Variants in PLCD4 observed in about 807,000 individuals in gnomAD.
PLCD4 encodes the protein 1-phosphatidylinositol 4,5-bisphosphate phosphodiesterase delta-4.
PLCD4 carries 63 observed loss-of-function variants against 90.2 expected under a neutral mutation model. The observed-to-expected ratio is 0.70, with a 90% CI of 0.57 to 0.86. The LOEUF is 0.86. Among genes scored for constraint, PLCD4 ranks in the 40% least tolerant of loss-of-function variants. The pLI is 0.00. For missense variants in PLCD4, 830 were observed against 956.3 expected, an observed-to-expected ratio of 0.87 and a Z score of 1.74; for synonymous variants, 294 against 356.5, an observed-to-expected ratio of 0.82 and a Z score of 1.97.
At position 218,622,564 on chromosome 2, in the gene PLCD4, AT is replaced by A. The variant is rs977335359; in HGVS notation, c.541-80del. 6.1e-6 allele frequency: 6 copies of A among 981,844 alleles called. No homozygotes were observed. In the African/African-American group the frequency reaches 6.6e-5, roughly 11 times the overall value. The allele number at this position is 981,844 out of a possible 1,614,324, so 60.8% of individuals were successfully genotyped here. On this transcript the variant is annotated intron_variant, in intron 5 of 15. Coordinates refer to ENST00000450993, the MANE Select transcript of PLCD4 (RefSeq NM_032726.4). ...ATACACCTACTATGTACCCAGAAAA[AT>A]TTAAAAAAAAATTTTTTTAATTAAA... is the stretch of plus-strand genomic sequence containing the variant.
intron 10 of PLCD4, among the ~76,000 whole-genome samples, 191 bp downstream of exon 10, chr2:218,632,503 A>T (rs1237573862): frequency 1.3e-5 from 2 of 152,204 alleles, no homozygotes; most frequent in Non-Finnish European, 2.9e-5. Context: ...GGTATGTTGC[A>T]GTGGCTTTCC....
chr2:218,622,843 T>G lies in PLCD4; in HGVS notation c.737T>G (p.Leu246Arg). The G allele has an allele frequency of 6.2e-7, 1 of 1,614,020 alleles. No individual in the cohort carries two copies. Among genetic ancestry groups the G allele is most frequent in the Non-Finnish European group, 8.5e-7 (1 of 1,179,892 alleles). ...AGAGACTGCACCTCTGAGCTTGCTC[T>G]GGAACTCATTGACCGCTATGAACCT... ...KERDCTSELA[L>R]ELIDRYEPSD... The change falls in exon 6 of 16, where the codon CTG becomes CGG. Residue 246 changes from leucine (L) to arginine (R), a missense_variant. Coordinates refer to ENST00000450993, the MANE Select transcript of PLCD4 (RefSeq NM_032726.4).
chr2:218,618,245 A>G (rs935375923), intron 3 of PLCD4, among the ~76,000 whole-genome samples: 1 of 152,178 alleles, frequency 6.6e-6, no homozygotes, highest in African/African-American at 2.4e-5. Flanking sequence ...CTGCCTATGG[A>G]AGGGGACTAT....
chr2:218,622,345 C>A (rs2106138795), intron 5 of PLCD4: 1 of 200,122 alleles, frequency 5.0e-6, no homozygotes, highest in East Asian at 1.2e-4. Context: ...TTGCTTCTTA[C>A]TGAAGTGATT....
chr2:218,611,563 A>G (rs1695332792), intron 1 of PLCD4, among the ~76,000 whole-genome samples: 1 of 152,198 alleles, frequency 6.6e-6, no homozygotes, highest in African/African-American at 2.4e-5. Flanking sequence ...CTTCAGCCCC[A>G]GGCCAATTCA....
chr2:218,633,004 C>T (rs972606646), intron 10 of PLCD4, among the ~76,000 whole-genome samples: 4 of 152,172 alleles, frequency 2.6e-5, no homozygotes, highest in African/African-American at 9.7e-5. Context: ...GCGTGGCTCA[C>T]TCAGCTGACT....
At position 218,635,858 on chromosome 2, in the gene PLCD4, A is replaced by C; in HGVS notation, c.1959A>C (p.Pro653=). Reference sequence around the variant, plus strand: ...CCAAAGAGGGGTCCATTGTGGATCCACTGGTGAAAGTGCAGATCTTTGGCG... The same window carrying C: ...CCAAAGAGGGGTCCATTGTGGATCCCCTGGTGAAAGTGCAGATCTTTGGCG... The part of the protein sequence containing the change: ...DKTKEGSIVD[P]LVKVQIFGVR... The change falls in exon 14 of 16, where the codon CCA becomes CCC. Residue 653 remains proline (P), a synonymous_variant. Transcript: ENST00000450993. 6.2e-7 allele frequency: 1 copy of C among 1,613,994 alleles called. No homozygotes were observed. The highest frequency in any genetic ancestry group is 1.1e-5 in the South Asian group (1 of 91,074).
chr2:218,610,253 C>G (rs868236437), intron 1 of PLCD4, among the ~76,000 whole-genome samples: 4 of 151,922 alleles, frequency 2.6e-5, no homozygotes, highest in Non-Finnish European at 5.9e-5. Flanking sequence ...ACCCCTGTAA[C>G]CCCAGCACTT....
rs988118269 is a variant in PLCD4, at chr2:218,637,124, C to T, written c.*547C>T. 9.3e-6 allele frequency: 3 copies of T among 323,586 alleles called. No homozygotes were observed. The highest frequency in any genetic ancestry group is 1.8e-5 in the Non-Finnish European group (3 of 164,244). The allele number at this position is 323,586 out of a possible 1,614,324, so 20.0% of individuals were successfully genotyped here. ...ACACTGCACAGCACTCAAAGTCCCC[C>T]ACTGGACTGCTTCCTCCTTAGCCCC... On this transcript the variant is annotated 3_prime_UTR_variant, in exon 16 of 16. Coordinates refer to ENST00000450993, the MANE Select transcript of PLCD4 (RefSeq NM_032726.4).
chr2:218,635,920 T>G lies in PLCD4; in HGVS notation c.2021T>G (p.Val674Gly). 1 of 1,613,988 alleles carries G rather than the reference T, an allele frequency of 6.2e-7. No homozygotes were observed. The highest frequency in any genetic ancestry group is 1.1e-5 in the South Asian group (1 of 91,080). ...ACAGCACGGCAGGAGACCAACTATG[T>G]GGAGAACAATGGTGAGAAACTGGCA... ...LDTARQETNY[V>G]ENNGFNPYWG... The change falls in exon 14 of 16, where the codon GTG becomes GGG. Residue 674 changes from valine to glycine, a missense_variant. Physicochemically the swap from Val to Gly is moderately radical, Grantham distance 109. Transcript: ENST00000450993.
At chr2:218,629,490 A>G in intron 7 of PLCD4, 29 bp from the exon 8 acceptor site, 2 of 1,608,524 alleles carry the variant, frequency 1.2e-6, no homozygotes, top group Non-Finnish European at 1.7e-6. Flanking sequence ...GACCTCTCCT[A>G]TTTCTCGGTG....
intron 3 of PLCD4, among the ~76,000 whole-genome samples, chr2:218,616,886 T>C (rs1296036718): frequency 2.1e-5 from 2 of 94,200 alleles, no homozygotes. Flanking sequence ...TTAATGAATG[T>C]TAGCCATTAT....
intron 1 of PLCD4, among the ~76,000 whole-genome samples, chr2:218,613,033 T>C (rs906818025): frequency 6.6e-6 from 1 of 152,198 alleles, no homozygotes; most frequent in South Asian, 2.1e-4. Context: ...AACTGAATGA[T>C]TGCTCTACAA....
chr2:218,625,132 A>G (rs1696057492), intron 6 of PLCD4, among the ~76,000 whole-genome samples: 1 of 134,480 alleles, frequency 7.4e-6, no homozygotes, highest in Non-Finnish European at 1.6e-5. Context: ...AAAAAAAAAA[A>G]GAAAGAAAGA....
At chr2:218,628,583 G>A in intron 7 of PLCD4, 1 of 205,440 alleles carries the variant, frequency 4.9e-6, no homozygotes. Flanking sequence ...TTATATCCTA[G>A]CTCCTTCACT....
intron 7 of PLCD4, chr2:218,629,233 T>C (rs1035315356): frequency 6.3e-6 from 2 of 315,100 alleles, no homozygotes; most frequent in Non-Finnish European, 1.2e-5. Context: ...TAAAAGTAAA[T>C]ATAAATAAAT....
intron 6 of PLCD4, among the ~76,000 whole-genome samples, chr2:218,625,524 A>T (rs2106145306): frequency 6.6e-6 from 1 of 152,350 alleles, no homozygotes; most frequent in Non-Finnish European, 1.5e-5. Context: ...TGAGCAAGTC[A>T]CTTAACCTAA....
At chr2:218,615,133 C>G (rs996127850) in intron 1 of PLCD4, among the ~76,000 whole-genome samples, 3 of 151,996 alleles carry the variant, frequency 2.0e-5, no homozygotes, top group Non-Finnish European at 2.9e-5. Context: ...GAGGCCGAGG[C>G]AGGAGAATCG....
At position 218,636,550 on chromosome 2, in the gene PLCD4, G is replaced by C. The variant is rs1245302181; in HGVS notation, c.2262G>C (p.Gln754His). Residue 754 changes from glutamine (Q) to histidine (H), a missense_variant, in exon 16 of 16, where the codon CAG becomes CAC. Physicochemically the swap from Gln to His is conservative, Grantham distance 24. Coordinates refer to ENST00000450993, the MANE Select transcript of PLCD4 (RefSeq NM_032726.4). ...CCATCTTTGTGTATATCTGCATCCA[G>C]GAAGGCCTGGAGGGGGATGAGTCCT... ...PASIFVYICI[Q>H]EGLEGDES 1 of 1,613,912 alleles carries C rather than the reference G, an allele frequency of 6.2e-7. No homozygotes were observed. Among genetic ancestry groups the C allele is most frequent in the African/African-American group, 1.3e-5 (1 of 74,934 alleles).
Sources: gnomAD v4.1 joint callset for allele counts (sites outside exome capture counted in the v4.1 genomes callset) on GRCh38, gnomAD v4.1.1 for gene constraint, MANE v1.5 for transcripts, NCBI Gene and HGNC (gene_info 2026-07-23, HGNC 2026-07-21) for gene names.